Variants in BBS9 observed in about 807,000 individuals in gnomAD.
The protein encoded by BBS9 is protein PTHB1.
BBS9 carries 89 observed loss-of-function variants against 117.7 expected under a neutral mutation model. That is an observed-to-expected ratio of 0.76 (90% CI 0.64 to 0.90). The LOEUF (loss-of-function observed/expected upper bound fraction) is 0.90, where lower values mean the gene tolerates loss of function less well. BBS9 is among the 40% of genes least tolerant of loss of function. BBS9 has a pLI of 0.00. For synonymous variants in BBS9, 379 were observed against 370.9 expected, an observed-to-expected ratio of 1.02 and a Z score of -0.25; for missense variants, 982 against 1,042.2, an observed-to-expected ratio of 0.94 and a Z score of 0.80.
intron 21 of BBS9, among the ~76,000 whole-genome samples, chr7:33,549,015 GA>G (rs1205057749): frequency 6.6e-6 from 1 of 150,760 alleles, no homozygotes; most frequent in East Asian, 1.9e-4. Flanking sequence ...CACACTACCT[GA>G]CTTCAAACTA....
intron 20 of BBS9, among the ~76,000 whole-genome samples, chr7:33,510,152 TG>T (rs1176176803): frequency 3.3e-5 from 5 of 152,298 alleles, no homozygotes; most frequent in Middle Eastern, 3.4e-3. Flanking sequence ...CTTCCTGTGA[TG>T]ATAAAGAAGT....
intron 5 of BBS9, among the ~76,000 whole-genome samples, chr7:33,187,083 A>C (rs1026124847): frequency 6.6e-6 from 1 of 152,226 alleles, no homozygotes; most frequent in Non-Finnish European, 1.5e-5. Flanking sequence ...AAAATTTCCA[A>C]TGGTTGTTAA....
intron 19 of BBS9, among the ~76,000 whole-genome samples, chr7:33,427,760 C>T (rs965883147): frequency 6.6e-6 from 1 of 152,122 alleles, no homozygotes; most frequent in Non-Finnish European, 1.5e-5. Flanking sequence ...AAATTTGATG[C>T]TCTTCGAGGT....
chr7:33,609,608 A>G (rs902589536), downstream of BBS9, among the ~76,000 whole-genome samples: 1 of 152,152 alleles, frequency 6.6e-6, no homozygotes, highest in Non-Finnish European at 1.5e-5. Flanking sequence ...CTTGGGGTCC[A>G]TGAAACTGGA....
intron 19 of BBS9, among the ~76,000 whole-genome samples, chr7:33,481,991 C>A (rs530815006): frequency 3.3e-5 from 5 of 152,278 alleles, no homozygotes; most frequent in Middle Eastern, 3.4e-3. Context: ...ACATCTTGAA[C>A]TATTATGTAA....
At chr7:33,480,581 T>C (rs1289270513) in intron 19 of BBS9, among the ~76,000 whole-genome samples, 3 of 152,226 alleles carry the variant, frequency 2.0e-5, no homozygotes, top group African/African-American at 7.2e-5. Flanking sequence ...TCATGTATCT[T>C]GACCTAATGT....
intron 4 of BBS9, among the ~76,000 whole-genome samples, chr7:33,171,941 T>G (rs1796641602): frequency 6.6e-6 from 1 of 151,928 alleles, no homozygotes; most frequent in Admixed American, 6.5e-5. Context: ...CCAGGTGCAA[T>G]GGTCAGGATA....
At chr7:33,437,100 C>G (rs2128889622) in intron 19 of BBS9, among the ~76,000 whole-genome samples, 1 of 152,324 alleles carries the variant, frequency 6.6e-6, no homozygotes, top group East Asian at 1.9e-4. Flanking sequence ...CTTTTGGAAT[C>G]TATCTGTCCA....
At chr7:33,603,355 T>C (rs1268038777) in intron 21 of BBS9, among the ~76,000 whole-genome samples, 3 of 152,050 alleles carry the variant, frequency 2.0e-5, no homozygotes, top group Non-Finnish European at 4.4e-5. Context: ...CCACCGCATA[T>C]ACCCTTTGCC....
At chr7:33,293,748 T>C (rs1481318323) in intron 9 of BBS9, among the ~76,000 whole-genome samples, 1 of 152,202 alleles carries the variant, frequency 6.6e-6, no homozygotes, top group East Asian at 1.9e-4. Context: ...TCTAGTTAAA[T>C]CATAGAGATT....
At chr7:33,390,056 C>T (rs1429648702) in intron 19 of BBS9, among the ~76,000 whole-genome samples, 1 of 152,124 alleles carries the variant, frequency 6.6e-6, no homozygotes, top group Non-Finnish European at 1.5e-5. Flanking sequence ...CTCTTTTCCT[C>T]TTTAGTACTC....
intron 7 of BBS9, among the ~76,000 whole-genome samples, chr7:33,269,748 G>A (rs1019330813): frequency 4.0e-5 from 6 of 151,130 alleles, no homozygotes; most frequent in Admixed American, 3.9e-4. Context: ...AAAAAGGCCA[G>A]GCGCAGTGGC....
chr7:33,147,914 A>G lies in BBS9; in HGVS notation c.112+1550A>G, dbSNP rs78819899. Among the ~76,000 whole-genome samples, 3 of 150,668 alleles carry G rather than the reference A, an allele frequency of 2.0e-5. No individual in the cohort carries two copies. The East Asian group carries it at 5.8e-4, about 29-fold the overall frequency. The stretch of plus-strand genomic sequence containing the variant: ...CATATGTGTGTTCCACATAGACAAC[A>G]CTCATCATTGTGTTCCAAAGCCTGT... On this transcript the variant is annotated intron_variant, in intron 2 of 22. Transcript: ENST00000242067.
intron 9 of BBS9, among the ~76,000 whole-genome samples, chr7:33,305,706 G>C (rs910254385): frequency 2.0e-5 from 3 of 151,992 alleles, no homozygotes; most frequent in Non-Finnish European, 4.4e-5. Context: ...GTTGCTCATA[G>C]TACCTCTAAT....
chr7:33,141,155 G>C (rs1223306114), intron 1 of BBS9, among the ~76,000 whole-genome samples: 2 of 152,218 alleles, frequency 1.3e-5, no homozygotes, highest in Non-Finnish European at 2.9e-5. Context: ...TGGCATGGTG[G>C]TTCACGCCTA....
intron 20 of BBS9, among the ~76,000 whole-genome samples, chr7:33,519,597 A>G (rs1563292940): frequency 6.6e-6 from 1 of 152,048 alleles, no homozygotes; most frequent in African/African-American, 2.4e-5. Context: ...TTTATTATGC[A>G]GTAAAATCTC....
chr7:33,214,335 A>T (rs567417704), intron 5 of BBS9, among the ~76,000 whole-genome samples: 1 of 152,010 alleles, frequency 6.6e-6, no homozygotes, highest in African/African-American at 2.4e-5. Flanking sequence ...CAGACTCTAC[A>T]CTGGGGTATG....
chr7:33,537,216 A>C (rs749175860), intron 21 of BBS9, among the ~76,000 whole-genome samples: 1 of 152,204 alleles, frequency 6.6e-6, no homozygotes, highest in Non-Finnish European at 1.5e-5. Flanking sequence ...AACATCTCAG[A>C]ATAAAAAACC....
rs758765828 is a variant in BBS9, at chr7:33,505,555, G to A, written c.2208G>A (p.Leu736=). 2 of 1,614,160 alleles carry A rather than the reference G, an allele frequency of 1.2e-6. No individual in the cohort carries two copies. The highest frequency in any genetic ancestry group is 2.2e-5 in the South Asian group (2 of 91,086). ...RLKSATHLVI[L]LIALWQKLSA... ...AGAGTGCCACCCATTTGGTGATTCT[G>A]CTGATCGCGCTGTGGCAGAAGCTTA... Residue 736 remains leucine (L), a synonymous_variant, in exon 20 of 23, where the codon CTG becomes CTA. Transcript: ENST00000242067.
Sources: gnomAD v4.1 joint callset for allele counts (sites outside exome capture counted in the v4.1 genomes callset) on GRCh38, gnomAD v4.1.1 for gene constraint, MANE v1.5 for transcripts, NCBI Gene and HGNC (gene_info 2026-07-23, HGNC 2026-07-21) for gene names.